Variants in SCHIP1 observed in about 807,000 individuals in gnomAD.
The protein encoded by SCHIP1 is schwannomin interacting protein 1, also known as schwannomin-interacting protein 1.
SCHIP1 carries 8 observed loss-of-function variants against 29.7 expected under a neutral mutation model. The observed-to-expected ratio is 0.27, with a 90% CI of 0.16 to 0.49. SCHIP1 has a LOEUF of 0.49. Ranked by LOEUF, SCHIP1 falls within the 20% of genes least tolerant of loss-of-function variation. SCHIP1 has a pLI of 0.99. For missense variants in SCHIP1, 193 were observed against 294.6 expected (o/e 0.66, Z 2.52); for synonymous variants, 76 against 94.9 (o/e 0.80, Z 1.16).
the SCHIP1 span, among the ~76,000 whole-genome samples, chr3:159,294,991 AT>A: frequency 6.6e-6 from 1 of 151,998 alleles, no homozygotes; most frequent in African/African-American, 2.4e-5. Flanking sequence ...CCTCATTACA[AT>A]TTTTTCTTAT....
chr3:159,337,596 A>G, the SCHIP1 span, among the ~76,000 whole-genome samples: 2 of 152,158 alleles, frequency 1.3e-5, no homozygotes, highest in African/African-American at 2.4e-5. Context: ...CCCATTCACA[A>G]TTGCTTCAAA....
the SCHIP1 span, among the ~76,000 whole-genome samples, chr3:159,347,292 A>G: frequency 1.3e-5 from 2 of 152,194 alleles, no homozygotes; most frequent in African/African-American, 4.8e-5. Flanking sequence ...CTGACACTGA[A>G]GTATTCCAGA....
intron 2 of SCHIP1, among the ~76,000 whole-genome samples, chr3:159,869,136 A>G (rs1045824748): frequency 6.6e-6 from 1 of 152,080 alleles, no homozygotes. Flanking sequence ...CAGTCATGAT[A>G]CTAATCCTTA....
chr3:159,692,661 G>GA, the SCHIP1 span, among the ~76,000 whole-genome samples: 77 of 152,204 alleles, frequency 5.1e-4, 1 homozygote, highest in African/African-American at 1.8e-3. Flanking sequence ...CCTTGCATTG[G>GA]AAAACCCTCT....
chr3:159,663,728 ATTAT>A, the SCHIP1 span, among the ~76,000 whole-genome samples: 4 of 152,162 alleles, frequency 2.6e-5, no homozygotes, highest in Non-Finnish European at 5.9e-5. Context: ...TCTTTCAAAT[ATTAT>A]TTATTTCAAA....
At chr3:159,317,051 G>C in the SCHIP1 span, among the ~76,000 whole-genome samples, 1 of 152,118 alleles carries the variant, frequency 6.6e-6, no homozygotes, top group Admixed American at 6.5e-5. Flanking sequence ...TACCTGAAAG[G>C]TCTGGGTCAT....
chr3:159,388,054 A>G, the SCHIP1 span, among the ~76,000 whole-genome samples: 2 of 152,216 alleles, frequency 1.3e-5, no homozygotes, highest in South Asian at 4.1e-4. Context: ...AGTAAAGAAC[A>G]TGAAAAGAAT....
At chr3:159,745,615 T>C in the SCHIP1 span, among the ~76,000 whole-genome samples, 2 of 152,254 alleles carry the variant, frequency 1.3e-5, no homozygotes, top group African/African-American at 4.8e-5. Context: ...TCTAATAGTT[T>C]ATTTCATAGC....
chr3:159,290,859 AAAG>A, the SCHIP1 span, among the ~76,000 whole-genome samples: 2 of 152,240 alleles, frequency 1.3e-5, no homozygotes, highest in Non-Finnish European at 2.9e-5. Flanking sequence ...AGATATGAGA[AAAG>A]AAATTCAGTA....
intron 1 of SCHIP1, among the ~76,000 whole-genome samples, chr3:159,851,123 A>T (rs995545635): frequency 2.0e-5 from 3 of 152,048 alleles, no homozygotes; most frequent in African/African-American, 7.2e-5. Context: ...AAAATTTTTT[A>T]AATTATCCAG....
At chr3:159,393,381 C>G in the SCHIP1 span, among the ~76,000 whole-genome samples, 2 of 151,898 alleles carry the variant, frequency 1.3e-5, no homozygotes, top group Admixed American at 1.3e-4. Context: ...GACATGAAGT[C>G]CTTGCCCATG....
the SCHIP1 span, among the ~76,000 whole-genome samples, chr3:159,437,247 T>A: frequency 6.6e-6 from 1 of 152,090 alleles, no homozygotes; most frequent in Admixed American, 6.6e-5. Flanking sequence ...GCTCCAAGGA[T>A]CCTGGGCTGT....
chr3:159,726,533 G>A, the SCHIP1 span, among the ~76,000 whole-genome samples: 1 of 152,188 alleles, frequency 6.6e-6, no homozygotes, highest in African/African-American at 2.4e-5. Context: ...CACTCTCCCA[G>A]TGAAATAAAA....
At chr3:159,333,720 G>A in the SCHIP1 span, among the ~76,000 whole-genome samples, 2 of 151,980 alleles carry the variant, frequency 1.3e-5, no homozygotes, top group South Asian at 2.1e-4. Flanking sequence ...TTAAATCTTT[G>A]CATTAGTCTG....
intron 1 of SCHIP1, among the ~76,000 whole-genome samples, chr3:159,862,285 T>C (rs143670379): frequency 6.6e-6 from 1 of 152,204 alleles, no homozygotes; most frequent in South Asian, 2.1e-4. Context: ...GGAAAAGTGA[T>C]GAGAAAAAGC....
the SCHIP1 span, among the ~76,000 whole-genome samples, chr3:159,385,870 G>A: frequency 1.8e-3 from 274 of 151,694 alleles, 4 homozygotes; most frequent in South Asian, 0.024. Flanking sequence ...GACAGGCCCC[G>A]GTGTGTGATG....
the SCHIP1 span, among the ~76,000 whole-genome samples, chr3:159,812,040 C>T: frequency 2.1e-4 from 30 of 145,098 alleles, no homozygotes; most frequent in South Asian, 5.8e-3. Context: ...GGTGTGATCT[C>T]GGCTCACTGT....
chr3:159,433,654 T>TTTCC, the SCHIP1 span, among the ~76,000 whole-genome samples: 2 of 152,130 alleles, frequency 1.3e-5, no homozygotes, highest in African/African-American at 4.8e-5. Flanking sequence ...TCGAAATTAA[T>TTTCC]TTCCTCCTTC....
At chr3:159,505,933 C>T in the SCHIP1 span, among the ~76,000 whole-genome samples, 3 of 152,080 alleles carry the variant, frequency 2.0e-5, no homozygotes, top group Non-Finnish European at 4.4e-5. Context: ...AATAAACATA[C>T]GTGTGCATGT....
Sources: gnomAD v4.1 joint callset for allele counts (sites outside exome capture counted in the v4.1 genomes callset) on GRCh38, gnomAD v4.1.1 for gene constraint, MANE v1.5 for transcripts, NCBI Gene and HGNC (gene_info 2026-07-23, HGNC 2026-07-21) for gene names.